CADPS2: variants seen among roughly 807,000 people sequenced by gnomAD.
The protein encoded by CADPS2 is calcium-dependent secretion activator 2.
CADPS2 carries 93 observed loss-of-function variants against 172.5 expected under a neutral mutation model. The observed-to-expected ratio is 0.54, with a 90% CI of 0.46 to 0.64. The LOEUF is 0.64. Among genes scored for constraint, CADPS2 ranks in the 30% least tolerant of loss-of-function variants. The probability of loss-of-function intolerance (pLI) is 0.00; values close to 1 mark genes in which losing one functional copy is unlikely to be tolerated. For missense variants in CADPS2, 1,420 were observed against 1,565.9 expected (o/e 0.91, Z 1.57); for synonymous variants, 546 against 555.2 (o/e 0.98, Z 0.23).
intron 11 of CADPS2, among the ~76,000 whole-genome samples, chr7:122,483,101 A>G (rs112961046): frequency 4.6e-5 from 7 of 152,318 alleles, no homozygotes; most frequent in African/African-American, 1.7e-4. Context: ...CTTCCCTAAC[A>G]AAACTTGAAA....
Position 122,723,831 on chromosome 7 carries a change from T to C in CADPS2, c.453+13124A>G, listed in dbSNP as rs543563331. ...AAGAAAATGTGGCACATATACACCA[T>C]GGAAGACTATGCAGCCATAAAAAAT... is the stretch of plus-strand genomic sequence containing the variant. On this transcript the variant is annotated intron_variant, in intron 2 of 29. Transcript: ENST00000449022. 9.7e-3 allele frequency among the ~76,000 whole-genome samples: 1,483 copies of C among 152,232 alleles called. 22 individuals are homozygous for C. The highest frequency in any genetic ancestry group is 0.034 in the African/African-American group (1,407 of 41,522).
Position 122,886,366 on chromosome 7 carries a change from C to T in CADPS2, c.-29G>A, listed in dbSNP as rs764116524. 1 of 1,487,738 alleles carries T rather than the reference C, an allele frequency of 6.7e-7. No homozygotes were observed. Among genetic ancestry groups the T allele is most frequent in the South Asian group, 1.3e-5 (1 of 79,318 alleles). The allele number at this position is 1,487,738 out of a possible 1,614,324, so 92.2% of individuals were successfully genotyped here. A position where few individuals can be genotyped will look rare whatever the true frequency, so the allele number is the denominator to read the frequency against. On this transcript the variant is annotated 5_prime_UTR_variant, in exon 1 of 30. Transcript: ENST00000449022. ...GCTCGGGGATCCCCGCCGCTCGGCC[C>T]GCGGTCCCCAAGCGCCTCACCCCCG...
intron 1 of CADPS2, among the ~76,000 whole-genome samples, chr7:122,810,019 G>T (rs1192214529): frequency 6.6e-6 from 1 of 152,056 alleles, no homozygotes; most frequent in Non-Finnish European, 1.5e-5. Flanking sequence ...TATTCTACTT[G>T]AAGACCCAAG....
Position 122,449,744 on chromosome 7 carries a change from T to C in CADPS2, c.2288+1630A>G, listed in dbSNP as rs534111812. Among the ~76,000 whole-genome samples, 5 of 152,336 alleles carry C rather than the reference T, an allele frequency of 3.3e-5. No individual in the cohort carries two copies. In the South Asian group the frequency reaches 1.0e-3, roughly 32 times the overall value. ...AGAATTCAATCTTAACTCTGTAAGTTGAATTCAGCTATGCTATCTACAACA... is the reference window on the plus strand; with the variant it reads ...AGAATTCAATCTTAACTCTGTAAGTCGAATTCAGCTATGCTATCTACAACA... On this transcript the variant is annotated intron_variant, in intron 15 of 29. Transcript: ENST00000449022.
intron 3 of CADPS2, among the ~76,000 whole-genome samples, 162 bp downstream of exon 3, chr7:122,663,075 C>T (rs1442394092): frequency 3.9e-5 from 6 of 152,130 alleles, no homozygotes; most frequent in Admixed American, 3.3e-4. Context: ...TTTTTCAAAA[C>T]TTCTCTCAAA....
intron 1 of CADPS2, among the ~76,000 whole-genome samples, chr7:122,743,316 G>GT (rs1167283280): frequency 6.6e-6 from 1 of 152,162 alleles, no homozygotes; most frequent in Non-Finnish European, 1.5e-5. Context: ...CATGTTTCCT[G>GT]TTTTTTCATA....
At chr7:122,635,309 T>C (rs1396023224) in intron 3 of CADPS2, among the ~76,000 whole-genome samples, 3 of 151,968 alleles carry the variant, frequency 2.0e-5, no homozygotes, top group Non-Finnish European at 4.4e-5. Flanking sequence ...CTTTAAGTTT[T>C]AGGGTACATG....
At chr7:122,719,385 T>C (rs1035910228) in intron 2 of CADPS2, among the ~76,000 whole-genome samples, 12 of 147,816 alleles carry the variant, frequency 8.1e-5, no homozygotes, top group African/African-American at 1.5e-4. Flanking sequence ...ACTATCTGAC[T>C]ATCCCCCTAT....
chr7:122,602,874 G>A (rs1370307572), intron 6 of CADPS2, among the ~76,000 whole-genome samples: 1 of 152,040 alleles, frequency 6.6e-6, no homozygotes, highest in African/African-American at 2.4e-5. Flanking sequence ...AGTTGCAGAG[G>A]AAGATCCCAG....
intron 3 of CADPS2, among the ~76,000 whole-genome samples, chr7:122,649,664 C>T (rs2078927872): frequency 6.6e-6 from 1 of 152,084 alleles, no homozygotes; most frequent in African/African-American, 2.4e-5. Flanking sequence ...ATGCTGCCAC[C>T]CATGTGCTCC....
At chr7:122,854,331 G>A (rs1376530200) in intron 1 of CADPS2, among the ~76,000 whole-genome samples, 8 of 152,180 alleles carry the variant, frequency 5.3e-5, no homozygotes, top group Middle Eastern at 3.4e-3. Context: ...TGATCATGCC[G>A]CTGCGCTCCA....
chr7:122,561,370 A>G (rs1242337224), intron 7 of CADPS2, among the ~76,000 whole-genome samples: 1 of 152,028 alleles, frequency 6.6e-6, no homozygotes, highest in Non-Finnish European at 1.5e-5. Flanking sequence ...TTTTGAAAAA[A>G]CAAAATGGGG....
intron 2 of CADPS2, among the ~76,000 whole-genome samples, chr7:122,722,074 C>T: frequency 6.6e-6 from 1 of 152,122 alleles, no homozygotes; most frequent in Non-Finnish European, 1.5e-5. Flanking sequence ...GACAAACCCA[C>T]AGCCAATATC....
rs2036976095 is a variant in CADPS2 at position 122,342,760 on chromosome 7, C to A, written c.3612+2814G>T. On this transcript the variant is annotated intron_variant, in intron 28 of 29. Transcript: ENST00000449022. ...TAATGTGTGTGTAACCATGTTTTCA[C>A]TTGCATCTGAAGTTAACAAGATCCA... 2.0e-5 allele frequency among the ~76,000 whole-genome samples: 3 copies of A among 152,062 alleles called. No homozygotes were observed. In the South Asian group the frequency reaches 6.2e-4, roughly 31 times the overall value.
chr7:122,503,485 C>A (rs10264820), intron 9 of CADPS2, among the ~76,000 whole-genome samples: 9 of 152,108 alleles, frequency 5.9e-5, no homozygotes, highest in African/African-American at 1.9e-4. Context: ...TAGGAGGATG[C>A]ACAGTTGTAT....
chr7:122,778,741 G>A (rs759705003), intron 1 of CADPS2, among the ~76,000 whole-genome samples: 2 of 152,258 alleles, frequency 1.3e-5, no homozygotes, highest in Admixed American at 1.3e-4. Flanking sequence ...GTGCACAGAA[G>A]TCAAGAATTG....
intron 9 of CADPS2, among the ~76,000 whole-genome samples, chr7:122,494,873 C>T (rs530289165): frequency 6.6e-6 from 1 of 151,354 alleles, no homozygotes; most frequent in South Asian, 2.1e-4. Context: ...TCAGTTGCTC[C>T]CATAAGGGTT....
At chr7:122,806,818 T>C (rs1425809076) in intron 1 of CADPS2, among the ~76,000 whole-genome samples, 1 of 152,194 alleles carries the variant, frequency 6.6e-6, no homozygotes, top group Non-Finnish European at 1.5e-5. Context: ...AAAACTAAAA[T>C]AAGTTGTTGC....
At chr7:122,714,106 G>A (rs1188253901) in intron 2 of CADPS2, among the ~76,000 whole-genome samples, 4 of 152,032 alleles carry the variant, frequency 2.6e-5, no homozygotes, top group Non-Finnish European at 5.9e-5. Context: ...ATGACAGAAA[G>A]CAAATGTTTG....
Sources: gnomAD v4.1 joint callset for allele counts (sites outside exome capture counted in the v4.1 genomes callset) on GRCh38, gnomAD v4.1.1 for gene constraint, MANE v1.5 for transcripts, NCBI Gene and HGNC (gene_info 2026-07-23, HGNC 2026-07-21) for gene names.